SLC2A12: variants seen among roughly 807,000 people sequenced by gnomAD.
The protein encoded by SLC2A12 is solute carrier family 2, facilitated glucose transporter member 12.
Under a neutral mutation model 41.8 loss-of-function variants are expected in SLC2A12, and 23 were observed. The ratio of observed to expected loss-of-function variants is 0.55; its 90% CI spans 0.40 to 0.78. SLC2A12 has a LOEUF of 0.78. SLC2A12 is among the 30% of genes least tolerant of loss of function. The pLI, the probability that SLC2A12 is intolerant of heterozygous loss-of-function variation, is 0.00. For missense variants in SLC2A12, 654 were observed against 745.6 expected, an observed-to-expected ratio of 0.88 and a Z score of 1.43; for synonymous variants, 295 against 285.9, an observed-to-expected ratio of 1.03 and a Z score of -0.32.
chr6:133,999,685 A>G (rs1441739949), intron 4 of SLC2A12, among the ~76,000 whole-genome samples: 2 of 152,180 alleles, frequency 1.3e-5, no homozygotes, highest in Non-Finnish European at 2.9e-5. Flanking sequence ...GTCCCATGTG[A>G]TTGTGGGCCC....
chr6:134,013,609 T>C (rs372689053), intron 2 of SLC2A12, among the ~76,000 whole-genome samples: 13 of 152,172 alleles, frequency 8.5e-5, no homozygotes, highest in African/African-American at 3.1e-4. Context: ...AAATGATTGT[T>C]CTCAAGATTA....
intron 2 of SLC2A12, among the ~76,000 whole-genome samples, chr6:134,021,291 C>T (rs1485880013): frequency 2.6e-5 from 4 of 152,150 alleles, no homozygotes; most frequent in Non-Finnish European, 5.9e-5. Flanking sequence ...TTTTTAAGTC[C>T]TTTTCCTTCT....
chr6:133,997,695 G>T (rs1316387622), intron 4 of SLC2A12, among the ~76,000 whole-genome samples: 1 of 152,074 alleles, frequency 6.6e-6, no homozygotes, highest in South Asian at 2.1e-4. Context: ...TACCTATTGG[G>T]TACTATGTTC....
At position 133,993,652 on chromosome 6, in the gene SLC2A12, G is replaced by A. The variant is rs76216168; in HGVS notation, c.1701-2344C>T. On this transcript the variant is annotated intron_variant, in intron 4 of 4. Transcript: ENST00000275230. ...AAGTAAAATGTAGTGTTTCTGCTTT[G>A]GTTAAAACTGAAGGATTGGAAAGTG... Among the ~76,000 whole-genome samples, 1,035 of 152,336 alleles carry A rather than the reference G, an allele frequency of 6.8e-3. 6 individuals carry two copies. The highest frequency in any genetic ancestry group is 8.6e-3 in the Non-Finnish European group (587 of 68,024).
At chr6:134,014,851 T>A (rs1419272962) in intron 2 of SLC2A12, among the ~76,000 whole-genome samples, 1 of 152,246 alleles carries the variant, frequency 6.6e-6, no homozygotes, top group Non-Finnish European at 1.5e-5. Context: ...TTTGCTGTAC[T>A]TCTTGCTGTG....
intron 4 of SLC2A12, among the ~76,000 whole-genome samples, chr6:133,992,330 CAATT>C (rs767982106): frequency 2.6e-5 from 4 of 152,086 alleles, no homozygotes; most frequent in South Asian, 4.2e-4. Context: ...AAGGTGGTCT[CAATT>C]TATTTTCTCA....
intron 1 of SLC2A12, among the ~76,000 whole-genome samples, chr6:134,052,141 AC>A (rs1264688424): frequency 6.6e-6 from 1 of 151,988 alleles, no homozygotes; most frequent in African/African-American, 2.4e-5. Context: ...ATAAGGTTCC[AC>A]CAAGACTTCG....
chr6:134,042,534 G>C (rs1777396425), intron 1 of SLC2A12, among the ~76,000 whole-genome samples: 1 of 147,262 alleles, frequency 6.8e-6, no homozygotes, highest in South Asian at 2.1e-4. Context: ...AAGGCTAAGA[G>C]AGCCCAGAAA....
rs200317270 is a variant in SLC2A12 at position 134,029,537 on chromosome 6, G to C, written c.288C>G (p.Thr96=). 9.3e-6 allele frequency: 15 copies of C among 1,614,120 alleles called. No homozygotes were observed. Among genetic ancestry groups the C allele is most frequent in the Non-Finnish European group, 1.2e-5 (14 of 1,180,020 alleles). ...LVIGALLASL[T]GGVLIDRYGR... is the part of the protein sequence containing the mutation. The stretch of plus-strand genomic sequence containing the variant: ...CATATCTGTCTATCAGGACCCCTCC[G>C]GTGAGTGAGGCAAGGAGGGCTCCAA... Residue 96 remains threonine, a synonymous_variant, in exon 2 of 5, where the codon ACC becomes ACG. Transcript: ENST00000275230.
intron 2 of SLC2A12, among the ~76,000 whole-genome samples, chr6:134,023,438 C>T (rs2114466056): frequency 6.6e-6 from 1 of 152,130 alleles, no homozygotes. Context: ...AACCCTGGTA[C>T]AAGAGGAAAA....
intron 3 of SLC2A12, among the ~76,000 whole-genome samples, chr6:134,005,525 T>C (rs1320381910): frequency 6.6e-6 from 1 of 151,544 alleles, no homozygotes; most frequent in Non-Finnish European, 1.5e-5. Context: ...CCAGGCTTGG[T>C]GGTGCGCACC....
chr6:134,014,327 T>C (rs1284590928), intron 2 of SLC2A12, among the ~76,000 whole-genome samples: 5 of 152,184 alleles, frequency 3.3e-5, no homozygotes, highest in Admixed American at 6.5e-5. Context: ...CCTCCTGCTG[T>C]GCAGCCGGGT....
chr6:134,029,264 G>A lies in SLC2A12; in HGVS notation c.561C>T (p.Tyr187=), dbSNP rs376647204. Residue 187 remains tyrosine (Y), a synonymous_variant, in exon 2 of 5, where the codon TAC becomes TAT. Transcript: ENST00000275230. ...AGCCATGGAAAACATTGGCAAATGCGTAATTTGAAATATAGGCAGAAAGAA... is the reference window on the plus strand; with the variant it reads ...AGCCATGGAAAACATTGGCAAATGCATAATTTGAAATATAGGCAGAAAGAA... ...IGILSAYISN[Y]AFANVFHGWK... 138 of 1,614,196 alleles carry A rather than the reference G, an allele frequency of 8.5e-5. No homozygotes were observed. The African/African-American group carries it at 1.3e-3, about 15-fold the overall frequency.
intron 1 of SLC2A12, among the ~76,000 whole-genome samples, chr6:134,032,254 G>C (rs1562201462): frequency 6.6e-6 from 1 of 151,296 alleles, no homozygotes; most frequent in Non-Finnish European, 1.5e-5. Context: ...AGCAAATAAA[G>C]GTGCAATAAT....
At chr6:134,008,564 A>G (rs1776842221) in intron 2 of SLC2A12, among the ~76,000 whole-genome samples, 1 of 152,102 alleles carries the variant, frequency 6.6e-6, no homozygotes, top group African/African-American at 2.4e-5. Flanking sequence ...CTTGCAGATT[A>G]TATCGTTGGT....
chr6:134,044,859 A>G (rs1486334060), intron 1 of SLC2A12, among the ~76,000 whole-genome samples: 3 of 151,782 alleles, frequency 2.0e-5, no homozygotes, highest in Admixed American at 6.6e-5. Flanking sequence ...TCGCTTCTTT[A>G]CTCATTGACT....
intron 2 of SLC2A12, among the ~76,000 whole-genome samples, chr6:134,012,412 C>T (rs972902538): frequency 7.9e-5 from 12 of 152,080 alleles, no homozygotes; most frequent in African/African-American, 2.4e-4. Context: ...GAGCAGGCAC[C>T]AATTGGGGAT....
chr6:134,014,150 C>T (rs527351510), intron 2 of SLC2A12, among the ~76,000 whole-genome samples: 2 of 152,110 alleles, frequency 1.3e-5, no homozygotes, highest in East Asian at 1.9e-4. Flanking sequence ...GGTATGGTTT[C>T]GGGATGATTC....
At chr6:134,008,306 A>G (rs1776839232) in intron 2 of SLC2A12, among the ~76,000 whole-genome samples, 1 of 152,230 alleles carries the variant, frequency 6.6e-6, no homozygotes, top group Non-Finnish European at 1.5e-5. Context: ...TTGCTGCTTT[A>G]AAAGAAGAAA....
Sources: allele counts gnomAD v4.1 joint callset (sites outside exome capture counted in the v4.1 genomes callset), GRCh38; gene constraint gnomAD v4.1.1; transcripts MANE v1.5; gene names NCBI Gene and HGNC (gene_info 2026-07-23, HGNC 2026-07-21).